TARBP1: variants seen among roughly 807,000 people sequenced by gnomAD.
TARBP1 encodes tRNA guanosine 2 -O-methyltransferase TARBP1, also known as tRNA (guanosine(18)-2'-O)-methyltransferase TARBP1.
A neutral mutation model predicts 178.6 loss-of-function variants in TARBP1; 144 were observed. The observed-to-expected ratio is 0.81, with a 90% CI of 0.70 to 0.93. The LOEUF (loss-of-function observed/expected upper bound fraction) is 0.93. TARBP1 is among the 40% of genes least tolerant of loss of function. The pLI is 0.00. For missense variants in TARBP1, 2,067 were observed against 2,011.7 expected (o/e 1.03, Z -0.53); for synonymous variants, 787 against 781.0 (o/e 1.01, Z -0.13).
chr1:234,478,550 T>A lies in TARBP1; in HGVS notation c.554A>T (p.Glu185Val), dbSNP rs1669803681. 2.0e-5 allele frequency: 27 copies of A among 1,346,590 alleles called. No homozygotes were observed. The highest frequency in any genetic ancestry group is 2.6e-5 in the Non-Finnish European group (27 of 1,047,854). The allele number at this position is 1,346,590 out of a possible 1,614,324, so 83.4% of individuals were successfully genotyped here. Reference sequence around the variant, plus strand: ...CCCGGCCACCAGCGCCGCCGCGTCCTCGGCAGGCCCGGCCTCATCCCCGTC... The same window carrying A: ...CCCGGCCACCAGCGCCGCCGCGTCCACGGCAGGCCCGGCCTCATCCCCGTC... The part of the protein sequence containing the change: ...GGDGDEAGPA[E>V]DAAALVAGRL... Residue 185 changes from glutamate to valine, a missense_variant, in exon 1 of 30, where the codon GAG becomes GTG. Physicochemically the swap from Glu to Val is moderately radical, Grantham distance 121. Coordinates refer to ENST00000040877, the MANE Select transcript of TARBP1 (RefSeq NM_005646.4).
At chr1:234,410,995 C>G (rs767341663) in intron 22 of TARBP1, among the ~76,000 whole-genome samples, 2 of 152,088 alleles carry the variant, frequency 1.3e-5, no homozygotes, top group Admixed American at 6.5e-5. Flanking sequence ...TTGCCTGAAC[C>G]CAGGGCAGAG....
intron 20 of TARBP1, among the ~76,000 whole-genome samples, chr1:234,424,355 C>T (rs990866353): frequency 6.6e-6 from 1 of 152,244 alleles, no homozygotes; most frequent in Non-Finnish European, 1.5e-5. Flanking sequence ...GTTCTTCAGA[C>T]ACTAGAGTGT....
rs1669801590 is a variant in TARBP1, at chr1:234,478,529, G to C, written c.575C>G (p.Ala192Gly). 2.2e-6 allele frequency: 3 copies of C among 1,369,010 alleles called. No individual in the cohort carries two copies. The East Asian group carries it at 1.0e-4, about 46-fold the overall frequency. 84.8% of individuals were successfully genotyped at this position (1,369,010 alleles called of 1,614,324 possible). The change falls in exon 1 of 30, where the codon GCC (alanine) becomes GGC (glycine). Residue 192 changes from alanine to glycine, a missense_variant. Coordinates refer to ENST00000040877, the MANE Select transcript of TARBP1 (RefSeq NM_005646.4). The stretch of plus-strand genomic sequence containing the variant: ...GACCAGCACTGGCAGCAGTCGCCCG[G>C]CCACCAGCGCCGCCGCGTCCTCGGC... ...GPAEDAAALVAGRLLPVLVQC... is the reference protein window; with the variant it reads ...GPAEDAAALVGGRLLPVLVQC...
intron 20 of TARBP1, among the ~76,000 whole-genome samples, chr1:234,424,994 G>C (rs546636571): frequency 6.6e-6 from 1 of 151,910 alleles, no homozygotes; most frequent in Non-Finnish European, 1.5e-5. Flanking sequence ...CCAGGAGGCA[G>C]AGGTTGCAAT....
At chr1:234,393,947 T>C (rs1255270456) in intron 26 of TARBP1, 110 bp from the exon 27 acceptor site, 5 of 884,766 alleles carry the variant, frequency 5.7e-6, no homozygotes, top group Non-Finnish European at 8.1e-6. Flanking sequence ...TAGAATGAGA[T>C]AATTTAGAAT....
chr1:234,431,990 A>G lies in TARBP1; in HGVS notation c.2394+1420T>C, dbSNP rs190197642. Among the ~76,000 whole-genome samples the G allele has an allele frequency of 9.1e-4, 139 of 152,242 alleles. 1 individual carries two copies. The East Asian group carries it at 0.019, about 21-fold the overall frequency. ...CATCTCTACTAAACACACAAAAATT[A>G]GCCAGGCATGGTGGCGGGCACCTAC... On this transcript the variant is annotated intron_variant, in intron 14 of 29. Transcript: ENST00000040877.
rs1666236381 is a variant in TARBP1, at chr1:234,446,888, C to G, written c.2049G>C (p.Met683Ile). The G allele has an allele frequency of 6.2e-7, 1 of 1,614,014 alleles. No homozygotes were observed. The highest frequency in any genetic ancestry group is 1.7e-4 in the Middle Eastern group (1 of 6,060). Residue 683 changes from methionine (M) to isoleucine (I), a missense_variant, in exon 12 of 30, where the codon ATG (methionine) becomes ATC (isoleucine). By Grantham distance (10) the Met-to-Ile change is conservative. Transcript: ENST00000040877. ...VLMKFSTNAY[M>I]PLLKTDRCLQ... The stretch of plus-strand genomic sequence containing the variant: ...GGCATCTGTCAGTCTTCAGCAAGGG[C>G]ATGTAGGCATTGGTACTAAACTTCA...
rs765887778 is a variant in TARBP1 at position 234,429,365 on chromosome 1, T to G, written c.2872-41A>C. 10 of 1,567,582 alleles carry G rather than the reference T, an allele frequency of 6.4e-6. No individual in the cohort carries two copies. In the African/African-American group the frequency reaches 1.4e-4, roughly 22 times the overall value. ...AAAATACATACTTATTTCAAAAACTTGATCGCCACTCCTATAGTTACTGTT... is the reference window on the plus strand; with the variant it reads ...AAAATACATACTTATTTCAAAAACTGGATCGCCACTCCTATAGTTACTGTT... On this transcript the variant is annotated intron_variant, in intron 16 of 29. Coordinates refer to ENST00000040877, the MANE Select transcript of TARBP1 (RefSeq NM_005646.4).
intron 3 of TARBP1, among the ~76,000 whole-genome samples, chr1:234,470,516 T>C: frequency 6.6e-6 from 1 of 152,084 alleles, no homozygotes; most frequent in East Asian, 1.9e-4. Context: ...TCACACACAC[T>C]CTTCTCATTC....
chr1:234,451,748 CAAAA>C (rs766485621), intron 9 of TARBP1, among the ~76,000 whole-genome samples: 1 of 6,616 alleles, frequency 1.5e-4, no homozygotes, highest in Non-Finnish European at 2.2e-4. Flanking sequence ...GACTCCGTCT[CAAAA>C]AAAAAAAAAA....
intron 24 of TARBP1, among the ~76,000 whole-genome samples, chr1:234,403,586 T>TAAGCCCCAGCACCTGGCC (rs1660914638): frequency 6.6e-6 from 1 of 152,234 alleles, no homozygotes; most frequent in Non-Finnish European, 1.5e-5. Context: ...TCTACCTGGC[T>TAAGCCCCAGCACCTGGCC]AAGCCCCAGC....
chr1:234,478,406 A>G lies in TARBP1; in HGVS notation c.698T>C (p.Leu233Pro). Reference protein sequence around the residue: ...SGRVEEKLLVLSALAEKLLPE... With the variant: ...SGRVEEKLLVPSALAEKLLPE... ...CAACAGCTTCTCGGCCAGGGCGCTC[A>G]GGACCAGCAGCTTCTCCTCTACGCG... The change falls in exon 1 of 30, where the codon CTG (leucine) becomes CCG (proline). Residue 233 changes from leucine (L) to proline (P), a missense_variant. Physicochemically the swap from Leu to Pro is moderately conservative, Grantham distance 98. Coordinates refer to ENST00000040877, the MANE Select transcript of TARBP1 (RefSeq NM_005646.4). The G allele has an allele frequency of 7.3e-7, 1 of 1,366,334 alleles. No individual in the cohort carries two copies. The highest frequency in any genetic ancestry group is 1.5e-5 in the South Asian group (1 of 64,740). The allele number at this position is 1,366,334 out of a possible 1,614,324, so 84.6% of individuals were successfully genotyped here.
chr1:234,430,377 T>C (rs1664301817), intron 14 of TARBP1, 76 bp from the exon 15 acceptor site: 7 of 1,363,744 alleles, frequency 5.1e-6, no homozygotes, highest in Non-Finnish European at 7.1e-6. Flanking sequence ...TGCCAGTCTA[T>C]GGAAAGCTCA....
At chr1:234,429,108 A>C (rs1040619723) in intron 17 of TARBP1, 28 bp downstream of exon 17, 8 of 1,531,350 alleles carry the variant, frequency 5.2e-6, no homozygotes, top group Non-Finnish European at 7.0e-6. Context: ...CATGAAAAGA[A>C]AAGCAAAAAG....
chr1:234,392,295 C>A, intron 29 of TARBP1, 121 bp downstream of exon 29: 1 of 1,264,568 alleles, frequency 7.9e-7, no homozygotes, highest in Non-Finnish European at 1.1e-6. Flanking sequence ...GAGATTGTGC[C>A]ACTACACTCC....
At chr1:234,460,509 CCA>C (rs1438108157) in intron 6 of TARBP1, 113 bp from the exon 7 acceptor site, 2 of 1,076,616 alleles carry the variant, frequency 1.9e-6, no homozygotes, top group Admixed American at 2.3e-5. Context: ...GCTCCACTTC[CCA>C]CACACTATGA....
At chr1:234,395,762 G>A (rs755822893) in intron 26 of TARBP1, among the ~76,000 whole-genome samples, 19 of 152,320 alleles carry the variant, frequency 1.2e-4, no homozygotes, top group South Asian at 2.1e-4. Context: ...GTGAGAAGAA[G>A]ACTGGGCCCG....
chr1:234,469,994 C>T (rs1040062098), intron 3 of TARBP1, among the ~76,000 whole-genome samples: 66 of 152,276 alleles, frequency 4.3e-4, no homozygotes, highest in African/African-American at 1.4e-3. Flanking sequence ...TGGCCAGGCA[C>T]GGTGGCTCAC....
rs1194554593 is a variant in TARBP1 at position 234,420,803 on chromosome 1, C to T, written c.3454G>A (p.Val1152Met). The T allele has an allele frequency of 1.4e-5, 23 of 1,591,138 alleles. No homozygotes were observed. The highest frequency in any genetic ancestry group is 2.0e-5 in the Non-Finnish European group (23 of 1,163,424). Residue 1152 changes from valine to methionine, a missense_variant, in exon 21 of 30, where the codon GTG (valine) becomes ATG (methionine). Transcript: ENST00000040877. Reference protein sequence around the residue: ...AIKLLDKDELVSKSKKRYYVN... With the variant: ...AIKLLDKDELMSKSKKRYYVN... Reference sequence around the variant, plus strand: ...TAGTAGCGTTTTTTGGACTTGGACACTAATTCATCCTGGAAAGGAGAAGGG... The same window carrying T: ...TAGTAGCGTTTTTTGGACTTGGACATTAATTCATCCTGGAAAGGAGAAGGG...
Sources: gnomAD v4.1 joint callset for allele counts (sites outside exome capture counted in the v4.1 genomes callset) on GRCh38, gnomAD v4.1.1 for gene constraint, MANE v1.5 for transcripts, NCBI Gene and HGNC (gene_info 2026-07-23, HGNC 2026-07-21) for gene names.